FRS2: variants seen among roughly 807,000 people sequenced by gnomAD.
The protein encoded by FRS2 is FGFR signalling adaptor.
A neutral mutation model predicts 43.9 loss-of-function variants in FRS2; 8 were observed. The observed-to-expected ratio is 0.18, with a 90% confidence interval of 0.11 to 0.33. The LOEUF (loss-of-function observed/expected upper bound fraction) is 0.33, where lower values mean the gene tolerates loss of function less well. FRS2 is among the 10% of genes least tolerant of loss of function. The probability of loss-of-function intolerance (pLI) is 1.00; values close to 1 mark genes in which losing one functional copy is unlikely to be tolerated. For missense variants in FRS2, 534 were observed against 627.6 expected (o/e 0.85, Z 1.59); for synonymous variants, 219 against 220.3 (o/e 0.99, Z 0.05).
chr12:69,477,577 C>G (rs939216606), intron 1 of FRS2, among the ~76,000 whole-genome samples: 1 of 151,358 alleles, frequency 6.6e-6, no homozygotes, highest in African/African-American at 2.4e-5. Flanking sequence ...CCACCGCGCC[C>G]GGCCTAAAAT....
intron 4 of FRS2, among the ~76,000 whole-genome samples, chr12:69,568,575 GTC>G (rs1179264083): frequency 1.3e-5 from 2 of 149,698 alleles, no homozygotes; most frequent in Non-Finnish European, 1.5e-5. Flanking sequence ...CTCTCTCTCT[GTC>G]TCTCTCTCTC....
chr12:69,572,081 G>A (rs190568079), intron 7 of FRS2, 37 bp from the exon 8 acceptor site: 80 of 1,564,226 alleles, frequency 5.1e-5, no homozygotes, highest in African/African-American at 1.2e-4. Context: ...TCTCTGCCCC[G>A]CCCCCCTTTT....
intron 1 of FRS2, among the ~76,000 whole-genome samples, chr12:69,515,539 G>A (rs1874908187): frequency 6.6e-6 from 1 of 152,060 alleles, no homozygotes; most frequent in Admixed American, 6.6e-5. Flanking sequence ...GAGACTGAGG[G>A]AGGAAGGGAA....
chr12:69,563,181 G>A (rs755859593), intron 4 of FRS2, among the ~76,000 whole-genome samples: 1 of 152,124 alleles, frequency 6.6e-6, no homozygotes, highest in Non-Finnish European at 1.5e-5. Context: ...CTCAGATGTA[G>A]TCTTCAAATA....
At chr12:69,553,227 A>C (rs1879057119) in intron 3 of FRS2, among the ~76,000 whole-genome samples, 2 of 151,448 alleles carry the variant, frequency 1.3e-5, no homozygotes, top group South Asian at 4.2e-4. Context: ...GCCCACCTCC[A>C]CGCCCGGCTA....
intron 2 of FRS2, 41 bp from the exon 3 acceptor site, chr12:69,531,973 T>C (rs765091123): frequency 6.6e-6 from 1 of 152,648 alleles, no homozygotes; most frequent in Non-Finnish European, 1.5e-5. Flanking sequence ...GTAGACTGTC[T>C]TGAAACTAAC....
At chr12:69,478,724 ATGTGTGTGTGTGTG>A (rs59945124) in intron 1 of FRS2, among the ~76,000 whole-genome samples, 29 of 146,326 alleles carry the variant, frequency 2.0e-4, no homozygotes, top group South Asian at 1.4e-3. Context: ...ATACATCATT[ATGTGTGTGTGTGTG>A]TGTGTGTGTG....
chr12:69,487,613 A>G (rs1872074721), intron 1 of FRS2, among the ~76,000 whole-genome samples: 1 of 152,212 alleles, frequency 6.6e-6, no homozygotes, highest in Non-Finnish European at 1.5e-5. Context: ...GCCTACTAAC[A>G]CATCTATTCT....
intron 7 of FRS2, 112 bp downstream of exon 7, chr12:69,571,546 G>C: frequency 2.3e-6 from 2 of 878,372 alleles, no homozygotes; most frequent in Non-Finnish European, 3.6e-6. Flanking sequence ...GATAACAGAA[G>C]TATAATGGTT....
At chr12:69,553,977 G>A (rs1048908423) in intron 3 of FRS2, among the ~76,000 whole-genome samples, 39 of 152,196 alleles carry the variant, frequency 2.6e-4, no homozygotes, top group Admixed American at 2.6e-3. Context: ...AGCATAGCTT[G>A]TTGGCCTCAG....
chr12:69,478,724 ATGTGTGTGTGTGTGTGTG>A (rs59945124), intron 1 of FRS2, among the ~76,000 whole-genome samples: 8 of 146,212 alleles, frequency 5.5e-5, no homozygotes, highest in African/African-American at 1.0e-4. Flanking sequence ...ATACATCATT[ATGTGTGTGTGTGTGTGTG>A]TGTGTGTGTG....
intron 3 of FRS2, among the ~76,000 whole-genome samples, chr12:69,547,830 C>CTTTTTTTTTTTTT (rs71094722): frequency 2.9e-5 from 3 of 102,726 alleles, no homozygotes; most frequent in African/African-American, 1.1e-4. Context: ...TCCATTAATA[C>CTTTTTTTTTTTTT]TTTTTTTTTT....
intron 1 of FRS2, among the ~76,000 whole-genome samples, chr12:69,500,740 T>G (rs1258516738): frequency 2.0e-5 from 3 of 152,128 alleles, no homozygotes; most frequent in African/African-American, 7.2e-5. Flanking sequence ...AGATCCTACT[T>G]TGAGGGAATG....
chr12:69,513,212 AT>A (rs2135580250), intron 1 of FRS2, among the ~76,000 whole-genome samples: 1 of 151,712 alleles, frequency 6.6e-6, no homozygotes, highest in South Asian at 2.1e-4. Context: ...ACCTTTCCAA[AT>A]TCTTCTTTCT....
rs1323941484 is a variant in FRS2, at chr12:69,527,212, G to T, written c.-260-3653G>T. Among the ~76,000 whole-genome samples, 3 of 151,702 alleles carry T rather than the reference G, an allele frequency of 2.0e-5. No individual in the cohort carries two copies. The East Asian group carries it at 5.8e-4, about 29-fold the overall frequency. On this transcript the variant is annotated intron_variant, in intron 1 of 8. Coordinates refer to ENST00000549921, the MANE Select transcript of FRS2 (RefSeq NM_001278356.2). ...TAGACCTAAGCATGGCACATTCTTT[G>T]GATTCACCCCTTAATGCCCTTAATA... is the stretch of plus-strand genomic sequence containing the variant.
At chr12:69,568,169 A>G (rs536436015) in intron 4 of FRS2, among the ~76,000 whole-genome samples, 1 of 152,312 alleles carries the variant, frequency 6.6e-6, no homozygotes, top group African/African-American at 2.4e-5. Context: ...TCTATGGGAA[A>G]GGAGTATTAA....
chr12:69,496,369 G>A (rs1006416179), intron 1 of FRS2, among the ~76,000 whole-genome samples: 7 of 151,988 alleles, frequency 4.6e-5, no homozygotes, highest in African/African-American at 1.2e-4. Flanking sequence ...CCGGCGAGGC[G>A]GAGGTTGCAG....
intron 3 of FRS2, among the ~76,000 whole-genome samples, chr12:69,559,384 A>C (rs1231253065): frequency 6.6e-6 from 1 of 152,160 alleles, no homozygotes; most frequent in African/African-American, 2.4e-5. Flanking sequence ...GATTTTTTTC[A>C]AGAGTTAAAA....
rs1318254263 is a variant in FRS2, at chr12:69,577,783, T to C, written c.*2828T>C. On this transcript the variant is annotated 3_prime_UTR_variant, in exon 9 of 9. Transcript: ENST00000549921. The stretch of plus-strand genomic sequence containing the variant: ...AGACTGGCAAATATTTCCTTTTATT[T>C]ACTGCTGCTGTGGAGTGATGAGATA... 2 of 152,622 alleles carry C rather than the reference T, an allele frequency of 1.3e-5. No homozygotes were observed. The highest frequency in any genetic ancestry group is 4.8e-5 in the African/African-American group (2 of 41,448). The allele number at this position is 152,622 out of a possible 1,614,324, so 9.5% of individuals were successfully genotyped here. A position where few individuals can be genotyped will look rare whatever the true frequency, so the allele number is the denominator to read the frequency against.
Sources: allele counts gnomAD v4.1 joint callset (sites outside exome capture counted in the v4.1 genomes callset), GRCh38; gene constraint gnomAD v4.1.1; transcripts MANE v1.5; gene names NCBI Gene and HGNC (gene_info 2026-07-23, HGNC 2026-07-21).